EXOC4: variants seen among roughly 807,000 people sequenced by gnomAD.
EXOC4 encodes SEC8-like 1.
Under a neutral mutation model 107.2 loss-of-function variants are expected in EXOC4, and 71 were observed. The observed-to-expected ratio is 0.66, with a 90% CI of 0.55 to 0.81. The LOEUF is 0.81. EXOC4 is among the 30% of genes least tolerant of loss of function. EXOC4 has a pLI of 0.00. For synonymous variants in EXOC4, 456 were observed against 441.2 expected (o/e 1.03, Z -0.42); for missense variants, 1,108 against 1,189.6 (o/e 0.93, Z 1.01).
chr7:133,679,842 A>G (rs915814029), intron 10 of EXOC4, among the ~76,000 whole-genome samples: 13 of 152,220 alleles, frequency 8.5e-5, no homozygotes, highest in Admixed American at 4.6e-4. Flanking sequence ...CATGCAGTAC[A>G]TTAACTTGCT....
chr7:133,816,530 A>G (rs889197522), intron 10 of EXOC4, among the ~76,000 whole-genome samples: 3 of 152,102 alleles, frequency 2.0e-5, no homozygotes, highest in African/African-American at 4.8e-5. Flanking sequence ...GAACTCACAT[A>G]TCATCATGAA....
rs770723380 is a variant in EXOC4, at chr7:133,275,020, A to G, written c.125A>G (p.Asn42Ser). The G allele has an allele frequency of 6.2e-7, 1 of 1,613,214 alleles. No individual in the cohort carries two copies. Among genetic ancestry groups the G allele is most frequent in the African/African-American group, 1.3e-5 (1 of 74,894 alleles). The change falls in exon 2 of 18, where the codon AAT becomes AGT. Residue 42 changes from asparagine (N) to serine (S), a missense_variant. By Grantham distance (46) the Asn-to-Ser change is conservative. Coordinates refer to ENST00000253861, the MANE Select transcript of EXOC4 (RefSeq NM_021807.4). Reference sequence around the variant, plus strand: ...AGTGACGATGTCGAAGACAGGGAAAATGAAAAGGGTCGCCTTGAAGAAGCC... The same window carrying G: ...AGTGACGATGTCGAAGACAGGGAAAGTGAAAAGGGTCGCCTTGAAGAAGCC... ...STSDDVEDRE[N>S]EKGRLEEAYE...
At chr7:133,872,112 GA>G (rs10707476) in intron 11 of EXOC4, among the ~76,000 whole-genome samples, 2,342 of 152,120 alleles carry the variant, frequency 0.015, 58 homozygotes, top group African/African-American at 0.053. Context: ...TCAATGAAAG[GA>G]ACTGGAGGAA....
chr7:133,925,489 A>T (rs1027335653), intron 13 of EXOC4, among the ~76,000 whole-genome samples: 1 of 152,174 alleles, frequency 6.6e-6, no homozygotes, highest in Admixed American at 6.5e-5. Context: ...CTGGAGATGT[A>T]ATTAACAGAA....
intron 10 of EXOC4, among the ~76,000 whole-genome samples, chr7:133,790,849 T>A (rs1203044664): frequency 6.6e-6 from 1 of 152,238 alleles, no homozygotes; most frequent in Non-Finnish European, 1.5e-5. Context: ...GTGGTCCCAA[T>A]AGCTTTCACA....
intron 4 of EXOC4, among the ~76,000 whole-genome samples, chr7:133,309,672 G>A (rs1473553995): frequency 6.6e-6 from 1 of 152,212 alleles, no homozygotes; most frequent in Admixed American, 6.5e-5. Flanking sequence ...GGGCGTGGAG[G>A]CTCACGCCTG....
At chr7:133,507,324 A>C (rs566503029) in intron 9 of EXOC4, among the ~76,000 whole-genome samples, 2 of 152,212 alleles carry the variant, frequency 1.3e-5, no homozygotes, top group Non-Finnish European at 2.9e-5. Context: ...TTAAATCTCA[A>C]ATCTTTTGTT....
At chr7:133,402,849 A>G (rs1425860192) in intron 7 of EXOC4, among the ~76,000 whole-genome samples, 4 of 149,656 alleles carry the variant, frequency 2.7e-5, no homozygotes, top group Admixed American at 1.3e-4. Flanking sequence ...CCAGTGGTGC[A>G]TAGACCACAC....
At chr7:134,061,446 A>G (rs747026744) in intron 17 of EXOC4, among the ~76,000 whole-genome samples, 12 of 152,210 alleles carry the variant, frequency 7.9e-5, no homozygotes, top group Non-Finnish European at 1.8e-4. Context: ...TGGCTGGTTC[A>G]GAACCTTTAA....
At chr7:133,580,549 C>A (rs539166107) in intron 9 of EXOC4, among the ~76,000 whole-genome samples, 1 of 152,092 alleles carries the variant, frequency 6.6e-6, no homozygotes, top group Admixed American at 6.6e-5. Context: ...ACAAAAGTTG[C>A]GTATTGTAGA....
At chr7:134,014,398 G>A (rs147279478) in intron 17 of EXOC4, among the ~76,000 whole-genome samples, 1,574 of 152,078 alleles carry the variant, frequency 0.01, 8 homozygotes, top group Non-Finnish European at 0.015. Context: ...GCGAGACTCC[G>A]TCTCAAAAAA....
At chr7:133,444,194 C>G (rs1798167208) in intron 7 of EXOC4, among the ~76,000 whole-genome samples, 1 of 152,074 alleles carries the variant, frequency 6.6e-6, no homozygotes, top group South Asian at 2.1e-4. Context: ...AATTTCAGTC[C>G]AAAGGGGCAA....
chr7:133,580,627 A>T (rs1273811432), intron 9 of EXOC4, among the ~76,000 whole-genome samples: 2 of 152,252 alleles, frequency 1.3e-5, no homozygotes, highest in Non-Finnish European at 2.9e-5. Context: ...TTTGACTCTT[A>T]AAACATTGAT....
At chr7:133,634,470 GTTTT>G (rs112607497) in intron 10 of EXOC4, among the ~76,000 whole-genome samples, 1 of 148,688 alleles carries the variant, frequency 6.7e-6, no homozygotes, top group Non-Finnish European at 1.5e-5. Context: ...TTTAATGATA[GTTTT>G]TTTTTTGTTT....
At chr7:133,855,042 T>TGTATATCTAA (rs1554409713) in intron 11 of EXOC4, among the ~76,000 whole-genome samples, 1 of 75,690 alleles carries the variant, frequency 1.3e-5, no homozygotes, top group Non-Finnish European at 2.3e-5. Flanking sequence ...TCTAAATATA[T>TGTATATCTAA]ATATATCTAA....
chr7:133,489,204 C>G (rs1331468258), intron 9 of EXOC4, among the ~76,000 whole-genome samples: 1 of 151,828 alleles, frequency 6.6e-6, no homozygotes, highest in Non-Finnish European at 1.5e-5. Flanking sequence ...GGGTTGTAAC[C>G]AAAGAGAGGA....
At position 133,452,922 on chromosome 7, in the gene EXOC4, A is replaced by G. The variant is rs570771038; in HGVS notation, c.1183-22406A>G. Among the ~76,000 whole-genome samples the G allele has an allele frequency of 2.6e-5, 4 of 152,286 alleles. No individual in the cohort carries two copies. The South Asian group carries it at 8.3e-4, about 32-fold the overall frequency. On this transcript the variant is annotated intron_variant, in intron 7 of 17. Coordinates refer to ENST00000253861, the MANE Select transcript of EXOC4 (RefSeq NM_021807.4). ...TGTTCCATGTGAAAAGGGCCTTATA[A>G]TGGCATCACCAGTTGTTCATTAATC...
chr7:134,004,485 G>A (rs545498030), intron 15 of EXOC4, among the ~76,000 whole-genome samples: 31 of 152,058 alleles, frequency 2.0e-4, no homozygotes, highest in Non-Finnish European at 3.2e-4. Flanking sequence ...CTATAAACTC[G>A]GCCTCTCATC....
intron 17 of EXOC4, among the ~76,000 whole-genome samples, chr7:134,044,269 T>A (rs1795593366): frequency 6.6e-6 from 1 of 152,184 alleles, no homozygotes; most frequent in Non-Finnish European, 1.5e-5. Context: ...TCCCGCTCAC[T>A]GACATCCCCA....
Sources: gnomAD v4.1 joint callset for allele counts (sites outside exome capture counted in the v4.1 genomes callset) on GRCh38, gnomAD v4.1.1 for gene constraint, MANE v1.5 for transcripts, NCBI Gene and HGNC (gene_info 2026-07-23, HGNC 2026-07-21) for gene names.